Variants in TMPRSS15 observed in about 807,000 individuals in gnomAD.
TMPRSS15 encodes the protein enteropeptidase.
In TMPRSS15, 128 loss-of-function variants were observed where a neutral mutation model predicts 125.3. That is an observed-to-expected ratio of 1.02 (90% CI 0.89 to 1.18). TMPRSS15 has a LOEUF of 1.18. Among genes scored for constraint, TMPRSS15 ranks in the 50% most tolerant of loss-of-function variants. TMPRSS15 has a pLI of 0.00. For synonymous variants in TMPRSS15, 446 were observed against 423.2 expected (o/e 1.05, Z -0.66); for missense variants, 1,283 against 1,212.7 (o/e 1.06, Z -0.86).
intron 7 of TMPRSS15, among the ~76,000 whole-genome samples, chr21:18,364,294 A>C (rs934239878): frequency 6.6e-6 from 1 of 152,150 alleles, no homozygotes; most frequent in Non-Finnish European, 1.5e-5. Context: ...TAATTAGAAT[A>C]TAATTTTTCA....
intron 1 of TMPRSS15, among the ~76,000 whole-genome samples, chr21:18,415,729 T>A (rs1183889468): frequency 6.6e-6 from 1 of 152,106 alleles, no homozygotes; most frequent in Non-Finnish European, 1.5e-5. Flanking sequence ...TTTATGCTAG[T>A]ACCATACTGT....
At chr21:18,464,557 AT>A (rs1978619193) in intron 1 of TMPRSS15, among the ~76,000 whole-genome samples, 1 of 152,188 alleles carries the variant, frequency 6.6e-6, no homozygotes, top group Non-Finnish European at 1.5e-5. Context: ...AATAAACACA[AT>A]AAAATATGAT....
chr21:18,461,692 A>G (rs1978553856), intron 1 of TMPRSS15, among the ~76,000 whole-genome samples: 1 of 152,140 alleles, frequency 6.6e-6, no homozygotes, highest in Non-Finnish European at 1.5e-5. Context: ...ATTTCTTTGT[A>G]CAATAATGTT....
chr21:18,332,248 A>C, intron 13 of TMPRSS15, 75 bp from the exon 14 acceptor site: 1 of 1,276,876 alleles, frequency 7.8e-7, no homozygotes, highest in Non-Finnish European at 1.1e-6. Context: ...ATGCCAGCGA[A>C]TTTTCAATTA....
At chr21:18,293,624 C>A (rs540285200) in intron 21 of TMPRSS15, among the ~76,000 whole-genome samples, 4 of 152,176 alleles carry the variant, frequency 2.6e-5, no homozygotes, top group Non-Finnish European at 5.9e-5. Context: ...ACTCCCACCC[C>A]CTTCCATCCA....
At chr21:18,302,776 G>A (rs574050112) in intron 18 of TMPRSS15, among the ~76,000 whole-genome samples, 4 of 152,240 alleles carry the variant, frequency 2.6e-5, no homozygotes, top group East Asian at 1.9e-4. Context: ...CCAAAAATAC[G>A]TCTGAGAGAA....
chr21:18,458,937 TTTG>T (rs528423868), intron 1 of TMPRSS15, among the ~76,000 whole-genome samples: 4 of 152,170 alleles, frequency 2.6e-5, no homozygotes, highest in Non-Finnish European at 4.4e-5. Context: ...TCTTTTTTAT[TTTG>T]TTGTTATTTA....
intron 21 of TMPRSS15, among the ~76,000 whole-genome samples, chr21:18,293,530 C>T (rs1328036013): frequency 6.6e-6 from 1 of 152,128 alleles, no homozygotes; most frequent in Admixed American, 6.5e-5. Flanking sequence ...AACCATGTGA[C>T]TATCTAGAGA....
chr21:18,273,874 T>C (rs2074589508), intron 24 of TMPRSS15, among the ~76,000 whole-genome samples: 1 of 152,222 alleles, frequency 6.6e-6, no homozygotes, highest in Non-Finnish European at 1.5e-5. Flanking sequence ...AAGCTGGAAG[T>C]TTAACACAAC....
intron 1 of TMPRSS15, among the ~76,000 whole-genome samples, chr21:18,423,067 T>C (rs1049236824): frequency 1.3e-5 from 2 of 152,174 alleles, no homozygotes; most frequent in African/African-American, 4.8e-5. Context: ...TCCTCTGCAG[T>C]TCACCAAAGG....
In TMPRSS15 at chr21:18,384,881, T is replaced by C. The variant is rs139776882; in HGVS notation, c.345-1103A>G. Reference sequence around the variant, plus strand: ...TTCTTTATTTATCTCTCCATCTATCTATCTTGATAGAACCTACAGTAAATG... The same window carrying C: ...TTCTTTATTTATCTCTCCATCTATCCATCTTGATAGAACCTACAGTAAATG... On this transcript the variant is annotated intron_variant, in intron 3 of 24. Coordinates refer to ENST00000284885, the MANE Select transcript of TMPRSS15 (RefSeq NM_002772.3). Among the ~76,000 whole-genome samples, 241 of 152,302 alleles carry C rather than the reference T, an allele frequency of 1.6e-3. 4 individuals are homozygous for C. Among genetic ancestry groups the C allele is most frequent in the Admixed American group, 0.014 (220 of 15,292 alleles).
chr21:18,414,930 C>G (rs570979928), intron 1 of TMPRSS15, among the ~76,000 whole-genome samples: 35 of 152,152 alleles, frequency 2.3e-4, no homozygotes, highest in African/African-American at 8.4e-4. Context: ...TTTTTAAGGA[C>G]CTCCGTACTG....
At chr21:18,293,314 G>C (rs79112238) in intron 21 of TMPRSS15, among the ~76,000 whole-genome samples, 2,423 of 152,102 alleles carry the variant, frequency 0.016, 69 homozygotes, top group African/African-American at 0.056. Context: ...GTCCATGCCC[G>C]GTTCTTTCCT....
At chr21:18,345,194 A>C (rs1402735976) in intron 10 of TMPRSS15, among the ~76,000 whole-genome samples, 1 of 152,212 alleles carries the variant, frequency 6.6e-6, no homozygotes, top group Non-Finnish European at 1.5e-5. Flanking sequence ...TTTGTATGAC[A>C]AACTGTTAAT....
chr21:18,367,864 G>A (rs745435893), intron 6 of TMPRSS15, among the ~76,000 whole-genome samples: 2 of 152,082 alleles, frequency 1.3e-5, no homozygotes, highest in Non-Finnish European at 2.9e-5. Flanking sequence ...AAGCAAGGCA[G>A]CCTTATTCTA....
intron 1 of TMPRSS15, among the ~76,000 whole-genome samples, chr21:18,454,523 C>A (rs1036528578): frequency 6.6e-6 from 1 of 151,950 alleles, no homozygotes; most frequent in African/African-American, 2.4e-5. Context: ...ACCAGGAAAG[C>A]CAGTGGTATA....
intron 3 of TMPRSS15, among the ~76,000 whole-genome samples, chr21:18,396,792 A>AAAATCTGTCTGTCTGCCTG (rs1408156983): frequency 1.8e-5 from 2 of 112,792 alleles, no homozygotes; most frequent in South Asian, 3.6e-4. Flanking sequence ...AAAAAAAAAA[A>AAAATCTGTCTGTCTGCCTG]TCTGTCTGTC....
intron 1 of TMPRSS15, 101 bp from the exon 2 acceptor site, chr21:18,398,430 G>A: frequency 8.1e-7 from 1 of 1,239,368 alleles, no homozygotes; most frequent in South Asian, 1.2e-5. Context: ...CTCGCCTGAT[G>A]TGTTAGCTCT....
chr21:18,337,150 TC>T (rs1415320675), intron 13 of TMPRSS15, among the ~76,000 whole-genome samples: 1 of 152,152 alleles, frequency 6.6e-6, no homozygotes, highest in African/African-American at 2.4e-5. Context: ...CCCCTCAGCC[TC>T]CCAAAGTGCT....
Sources: allele counts gnomAD v4.1 joint callset (sites outside exome capture counted in the v4.1 genomes callset), GRCh38; gene constraint gnomAD v4.1.1; transcripts MANE v1.5; gene names NCBI Gene and HGNC (gene_info 2026-07-23, HGNC 2026-07-21).